The following RETREG1 variants were observed in gnomAD, a reference collection of about 807,000 sequenced individuals.
The protein encoded by RETREG1 is reticulophagy regulator 1.
Under a neutral mutation model 54.8 loss-of-function variants are expected in RETREG1, and 44 were observed. The observed-to-expected ratio is 0.80, with a 90% CI of 0.63 to 1.03. The LOEUF (loss-of-function observed/expected upper bound fraction) is 1.03, where lower values mean the gene tolerates loss of function less well. Among genes scored for constraint, RETREG1 ranks in the 50% least tolerant of loss-of-function variants. The probability of loss-of-function intolerance (pLI) is 0.00; values close to 1 mark genes in which losing one functional copy is unlikely to be tolerated. For missense variants in RETREG1, 554 were observed against 605.1 expected (o/e 0.92, Z 0.89); for synonymous variants, 217 against 238.5 (o/e 0.91, Z 0.83).
intron 3 of RETREG1, among the ~76,000 whole-genome samples, chr5:16,499,780 C>A (rs1170284474): frequency 6.6e-6 from 1 of 152,232 alleles, no homozygotes; most frequent in East Asian, 1.9e-4. Context: ...ACATAGCAAC[C>A]CTTCATAAAT....
intron 3 of RETREG1, among the ~76,000 whole-genome samples, chr5:16,493,317 G>A (rs1200966056): frequency 2.0e-5 from 3 of 152,094 alleles, no homozygotes; most frequent in Non-Finnish European, 2.9e-5. Context: ...ATTTTTCAGC[G>A]TTTTTAATTT....
At chr5:16,511,506 T>C (rs1740173444) in intron 3 of RETREG1, among the ~76,000 whole-genome samples, 1 of 152,172 alleles carries the variant, frequency 6.6e-6, no homozygotes, top group South Asian at 2.1e-4. Context: ...AACCCCACAG[T>C]AGGTCAAGGA....
At chr5:16,494,711 T>A (rs1024813257) in intron 3 of RETREG1, among the ~76,000 whole-genome samples, 1 of 152,206 alleles carries the variant, frequency 6.6e-6, no homozygotes, top group Admixed American at 6.5e-5. Flanking sequence ...CCTTATAGAT[T>A]ACCCAGTCTC....
At chr5:16,496,808 CATT>C (rs1294009015) in intron 3 of RETREG1, among the ~76,000 whole-genome samples, 1 of 152,146 alleles carries the variant, frequency 6.6e-6, no homozygotes, top group East Asian at 1.9e-4. Flanking sequence ...TGGTAGAAGC[CATT>C]AGACACTAAA....
intron 3 of RETREG1, among the ~76,000 whole-genome samples, chr5:16,526,511 C>T (rs1404986477): frequency 6.6e-6 from 1 of 152,102 alleles, no homozygotes; most frequent in Non-Finnish European, 1.5e-5. Context: ...CTATAAAGAC[C>T]CTTAGTCAGG....
intron 3 of RETREG1, among the ~76,000 whole-genome samples, chr5:16,522,237 AT>A (rs753121696): frequency 3.2e-4 from 49 of 151,752 alleles, no homozygotes; most frequent in Admixed American, 5.9e-4. Flanking sequence ...AAAGGCCTTG[AT>A]TTATGAGATC....
At chr5:16,573,823 C>T (rs1486426936) in intron 1 of RETREG1, among the ~76,000 whole-genome samples, 2 of 143,342 alleles carry the variant, frequency 1.4e-5, no homozygotes, top group African/African-American at 5.0e-5. Flanking sequence ...TGGCTCACTG[C>T]AACCTTCTCC....
At chr5:16,559,273 C>T (rs906536251) in intron 3 of RETREG1, among the ~76,000 whole-genome samples, 5 of 151,036 alleles carry the variant, frequency 3.3e-5, no homozygotes, top group African/African-American at 4.8e-5. Context: ...AGGCTGAGGA[C>T]GCCCACAATC....
intron 1 of RETREG1, among the ~76,000 whole-genome samples, chr5:16,579,781 G>GT (rs1229481487): frequency 3.3e-5 from 5 of 152,116 alleles, no homozygotes. Flanking sequence ...TTTTTGTGGC[G>GT]TGATAGTACA....
At position 16,556,974 on chromosome 5, in the gene RETREG1, C is replaced by T. The variant is rs142079229; in HGVS notation, c.458+8789G>A. The stretch of plus-strand genomic sequence containing the variant: ...CCTCCCAAGTAGCTGGGAATACAGG[C>T]GCCCGCCACCATGCCTGGCTAATTT... On this transcript the variant is annotated intron_variant, in intron 3 of 8. Transcript: ENST00000306320. Among the ~76,000 whole-genome samples the T allele has an allele frequency of 8.5e-3, 1,290 of 152,250 alleles. 11 individuals are homozygous for T. Among genetic ancestry groups the T allele is most frequent in the African/African-American group, 0.029 (1,202 of 41,532 alleles).
rs1008383778 is a variant in RETREG1 at position 16,474,616 on chromosome 5, T to C, written c.*125A>G. 3 of 1,219,142 alleles carry C rather than the reference T, an allele frequency of 2.5e-6. No homozygotes were observed. The highest frequency in any genetic ancestry group is 3.4e-6 in the Non-Finnish European group (3 of 873,524). 75.5% of individuals were successfully genotyped at this position (1,219,142 alleles called of 1,614,324 possible). A position where few individuals can be genotyped will look rare whatever the true frequency, so the allele number is the denominator to read the frequency against. ...AATTAATTCACTGCAGGAGGGAAAA[T>C]AAAACAAATCTAAAGTAATCATTAA... On this transcript the variant is annotated 3_prime_UTR_variant, in exon 9 of 9. Transcript: ENST00000306320.
Position 16,537,077 on chromosome 5 carries a change from C to T in RETREG1, c.458+28686G>A, listed in dbSNP as rs370923706. ...CTGCCTGCCTCCTCCCTGACCAAGA[C>T]GAGGGTCTGTGTACATCAGCTATGC... On this transcript the variant is annotated intron_variant, in intron 3 of 8. Transcript: ENST00000306320. Among the ~76,000 whole-genome samples the T allele has an allele frequency of 5.3e-5, 8 of 152,174 alleles. No individual in the cohort carries two copies. The East Asian group carries it at 1.2e-3, about 22-fold the overall frequency.
chr5:16,491,762 C>T (rs1276747511), intron 3 of RETREG1, among the ~76,000 whole-genome samples: 3 of 152,090 alleles, frequency 2.0e-5, no homozygotes, highest in Non-Finnish European at 4.4e-5. Flanking sequence ...GTGGCTCACA[C>T]CTGTAATCCC....
At position 16,572,430 on chromosome 5, in the gene RETREG1, C is replaced by A. The variant is rs577353277; in HGVS notation, c.321-328G>T. ...GTTTCGCCATGTTGGCCAGGCTCAT[C>A]ACGAACTCCTGTCCTCAAGCGATCC... On this transcript the variant is annotated intron_variant, in intron 1 of 8. Transcript: ENST00000306320. 3.6e-4 allele frequency among the ~76,000 whole-genome samples: 55 copies of A among 152,266 alleles called. 1 individual carries two copies. In the South Asian group the frequency reaches 0.011, roughly 29 times the overall value.
At chr5:16,535,370 T>C (rs927020555) in intron 3 of RETREG1, among the ~76,000 whole-genome samples, 1 of 151,838 alleles carries the variant, frequency 6.6e-6, no homozygotes, top group Admixed American at 6.6e-5. Flanking sequence ...AGCTCCTGCG[T>C]GCATGGGGCC....
chr5:16,591,397 C>T (rs539181177), intron 1 of RETREG1, among the ~76,000 whole-genome samples: 7 of 152,194 alleles, frequency 4.6e-5, no homozygotes, highest in Non-Finnish European at 7.4e-5. Context: ...TCTGAGAGCC[C>T]GAGAGCCAGA....
At chr5:16,492,667 T>C (rs548729414) in intron 3 of RETREG1, among the ~76,000 whole-genome samples, 2 of 152,298 alleles carry the variant, frequency 1.3e-5, no homozygotes, top group South Asian at 4.1e-4. Context: ...GAAAGGTCAG[T>C]CAGTATCTGG....
chr5:16,523,112 T>C (rs1273428642), intron 3 of RETREG1, among the ~76,000 whole-genome samples: 1 of 152,038 alleles, frequency 6.6e-6, no homozygotes, highest in African/African-American at 2.4e-5. Flanking sequence ...CAAAGAGAGC[T>C]CCTGATCTCT....
chr5:16,475,651 T>C (rs967829307), intron 8 of RETREG1, among the ~76,000 whole-genome samples: 6 of 152,194 alleles, frequency 3.9e-5, no homozygotes, highest in Non-Finnish European at 8.8e-5. Context: ...ATAAGTTTCC[T>C]TGGGTTTTGG....
Sources: allele counts gnomAD v4.1 joint callset (sites outside exome capture counted in the v4.1 genomes callset), GRCh38; gene constraint gnomAD v4.1.1; transcripts MANE v1.5; gene names NCBI Gene and HGNC (gene_info 2026-07-23, HGNC 2026-07-21).